TEX30: variants seen among roughly 807,000 people sequenced by gnomAD.
TEX30 encodes the protein testis expressed 30, also known as testis-expressed protein 30.
TEX30 carries 14 observed loss-of-function variants against 23.8 expected under a neutral mutation model. The observed-to-expected ratio is 0.59, with a 90% CI of 0.39 to 0.92. The LOEUF (loss-of-function observed/expected upper bound fraction) is 0.92, where lower values mean the gene tolerates loss of function less well. Ranked by LOEUF, TEX30 falls within the 40% of genes least tolerant of loss-of-function variation. The pLI is 0.00. For missense variants in TEX30, 246 were observed against 270.6 expected, an observed-to-expected ratio of 0.91 and a Z score of 0.64; for synonymous variants, 78 against 90.2, an observed-to-expected ratio of 0.87 and a Z score of 0.76.
chr13:102,772,254 C>T (rs893100923), intron 1 of TEX30, among the ~76,000 whole-genome samples: 1 of 152,020 alleles, frequency 6.6e-6, no homozygotes, highest in Non-Finnish European at 1.5e-5. Context: ...GCGATCCTCT[C>T]GCCTCAGCCT....
At position 102,769,467 on chromosome 13, in the gene TEX30, A is replaced by G. The variant is rs748723262; in HGVS notation, c.90T>C (p.Tyr30=). ...VCLVPNKSLT[Y]GIILTHGASG... ...ATGCTCCATGTGTAAGAATTATTCC[A>G]TATGTTAAGCTCTTGTTAGGTACCA... Residue 30 remains tyrosine, a synonymous_variant, in exon 3 of 6, where the codon TAT becomes TAC. Coordinates refer to ENST00000376032, the MANE Select transcript of TEX30 (RefSeq NM_138779.5). 12 of 1,612,330 alleles carry G rather than the reference A, an allele frequency of 7.4e-6. No homozygotes were observed. In the South Asian group the frequency reaches 1.0e-4, roughly 13 times the overall value.
At chr13:102,771,219 A>AT (rs1261596775) in intron 1 of TEX30, among the ~76,000 whole-genome samples, 1 of 152,148 alleles carries the variant, frequency 6.6e-6, no homozygotes, top group Non-Finnish European at 1.5e-5. Flanking sequence ...TTTGTTCATA[A>AT]TTTTTTACAG....
intron 5 of TEX30, 135 bp downstream of exon 5, chr13:102,767,138 A>G: frequency 3.6e-6 from 3 of 838,640 alleles, no homozygotes; most frequent in Non-Finnish European, 5.4e-6. Context: ...AAAGCAACAG[A>G]GTAACCAGGA....
intron 1 of TEX30, among the ~76,000 whole-genome samples, chr13:102,772,143 A>ATTT (rs112612448): frequency 7.0e-6 from 1 of 142,982 alleles, no homozygotes; most frequent in Non-Finnish European, 1.5e-5. Context: ...ATGCTTCCCT[A>ATTT]TTTTTTTTTT....
Position 102,773,718 on chromosome 13 carries a change from C to G in TEX30, c.-97G>C, listed in dbSNP as rs1017873734. 3.9e-5 allele frequency: 6 copies of G among 152,142 alleles called. No individual in the cohort carries two copies. The highest frequency in any genetic ancestry group is 1.4e-4 in the African/African-American group (6 of 41,446). The allele number at this position is 152,142 out of a possible 1,614,324, so 9.4% of individuals were successfully genotyped here. A position where few individuals can be genotyped will look rare whatever the true frequency, so the allele number is the denominator to read the frequency against. On this transcript the variant is annotated 5_prime_UTR_variant, in exon 1 of 6. Transcript: ENST00000376032. ...AAAGTGGCCGCGGGCACCCAACCGCCGTCACTCCCTTCAGGGAGCTGACTA... is the reference window on the plus strand; with the variant it reads ...AAAGTGGCCGCGGGCACCCAACCGCGGTCACTCCCTTCAGGGAGCTGACTA...
chr13:102,768,151 A>G, intron 4 of TEX30, 109 bp downstream of exon 4: 1 of 964,046 alleles, frequency 1.0e-6, no homozygotes, highest in East Asian at 2.6e-5. Context: ...CCAAAACAAC[A>G]AAAAAAATCC....
At chr13:102,768,872 C>G (rs985133586) in intron 3 of TEX30, among the ~76,000 whole-genome samples, 1 of 152,164 alleles carries the variant, frequency 6.6e-6, no homozygotes, top group Non-Finnish European at 1.5e-5. Context: ...CAAAGCTGTC[C>G]TGGGCCATAT....
At chr13:102,770,958 A>G (rs551782097) in intron 1 of TEX30, 2 of 152,312 alleles carry the variant, frequency 1.3e-5, no homozygotes, top group African/African-American at 4.8e-5. Context: ...CATTTTTCCC[A>G]TTAACATTTA....
chr13:102,772,598 CAG>C (rs1035879498), intron 1 of TEX30, among the ~76,000 whole-genome samples: 1 of 152,148 alleles, frequency 6.6e-6, no homozygotes, highest in African/African-American at 2.4e-5. Flanking sequence ...TTTTTTGAGA[CAG>C]AGTCTTGCTC....
intron 1 of TEX30, among the ~76,000 whole-genome samples, chr13:102,772,359 C>T (rs984082814): frequency 6.6e-6 from 1 of 152,136 alleles, no homozygotes; most frequent in African/African-American, 2.4e-5. Context: ...GTTTCGCAGG[C>T]TGGTCTTGAA....
At chr13:102,771,763 G>A (rs553663223) in intron 1 of TEX30, among the ~76,000 whole-genome samples, 1 of 152,282 alleles carries the variant, frequency 6.6e-6, no homozygotes, top group African/African-American at 2.4e-5. Flanking sequence ...TCTAACAAGG[G>A]GAAAGGCAGT....
Position 102,769,343 on chromosome 13 carries a change from C to T in TEX30, c.214G>A (p.Val72Ile), listed in dbSNP as rs1285944311. The T allele has an allele frequency of 3.2e-6, 5 of 1,568,590 alleles. No individual in the cohort carries two copies. Among genetic ancestry groups the T allele is most frequent in the Non-Finnish European group, 4.3e-6 (5 of 1,164,294 alleles). ...LRFTCKGLNI[V>I]HRIKAYKSVL... ...GATTTATACGCCTTAATTCTATGTA[C>T]AATATTAAGGCCTTTACAGGTAAAT... is the stretch of plus-strand genomic sequence containing the variant. Residue 72 changes from valine to isoleucine, a missense_variant, in exon 3 of 6, where the codon GTA (valine) becomes ATA (isoleucine). Transcript: ENST00000376032.
Position 102,771,318 on chromosome 13 carries a change from A to C in TEX30, c.-60-1232T>G, listed in dbSNP as rs79050216. On this transcript the variant is annotated intron_variant, in intron 1 of 5. Coordinates refer to ENST00000376032, the MANE Select transcript of TEX30 (RefSeq NM_138779.5). ...CGGTACATTAAAAAAATGTAAACAG[A>C]AGTCAAAGTATTTGTTCATAATTTA... Among the ~76,000 whole-genome samples the C allele has an allele frequency of 3.1e-3, 466 of 152,336 alleles. 2 individuals are homozygous for C. Among genetic ancestry groups the C allele is most frequent in the African/African-American group, 0.011 (449 of 41,580 alleles).
chr13:102,769,389 A>T lies in TEX30; in HGVS notation c.168T>A (p.Ser56=). 6.2e-7 allele frequency: 1 copy of T among 1,608,066 alleles called. No homozygotes were observed. The highest frequency in any genetic ancestry group is 1.7e-4 in the Middle Eastern group (1 of 6,046). Residue 56 remains serine, a synonymous_variant, in exon 3 of 6, where the codon TCT becomes TCA. Coordinates refer to ENST00000376032, the MANE Select transcript of TEX30 (RefSeq NM_138779.5). ...TAAATCTCAGGCAGAAAAACCCATG[A>T]GATGCAAGATGGGATGCCAGTGACA... The part of the protein sequence containing the change: ...HLMSLASHLA[S]HGFFCLRFTC...
intron 3 of TEX30, 68 bp from the exon 4 acceptor site, chr13:102,768,379 GTTTCTCATCATTACTGAAATGTA>G: frequency 9.0e-7 from 1 of 1,115,970 alleles, no homozygotes; most frequent in Non-Finnish European, 1.3e-6. Flanking sequence ...AAGATATATT[GTTTCTCATCATTACTGAAATGTA>G]TGAAAATCTA....
At position 102,767,322 on chromosome 13, in the gene TEX30, T is replaced by C; in HGVS notation, c.455A>G (p.Lys152Arg). ...KLRDEDLFRLKEPVLFVSGSA... is the reference protein window; with the variant it reads ...KLRDEDLFRLREPVLFVSGSA... ...GCCTGACACAAACAGTACAGGCTCT[T>C]TTAAACGAAAGAGGTCTTCATCTCT... Residue 152 changes from lysine (K) to arginine (R), a missense_variant, in exon 5 of 6, where the codon AAA (lysine) becomes AGA (arginine). Physicochemically the swap from Lys to Arg is conservative, Grantham distance 26. Transcript: ENST00000376032. 1 of 1,614,116 alleles carries C rather than the reference T, an allele frequency of 6.2e-7. No individual in the cohort carries two copies. The highest frequency in any genetic ancestry group is 8.5e-7 in the Non-Finnish European group (1 of 1,180,030).
chr13:102,769,557 A>C lies in TEX30; in HGVS notation c.16-16T>G, dbSNP rs1877167137. The C allele has an allele frequency of 6.7e-7, 1 of 1,495,172 alleles. No homozygotes were observed. Among genetic ancestry groups the C allele is most frequent in the Non-Finnish European group, 9.1e-7 (1 of 1,094,962 alleles). 92.6% of individuals were successfully genotyped at this position (1,495,172 alleles called of 1,614,324 possible). On this transcript the variant is annotated splice_polypyrimidine_tract_variant and intron_variant, in intron 2 of 5. Coordinates refer to ENST00000376032, the MANE Select transcript of TEX30 (RefSeq NM_138779.5). Reference sequence around the variant, plus strand: ...TTAATTTAACCTGGAATTCAAGAGAATAAAGGGATCAAAAATTACTTTCTT... The same window carrying C: ...TTAATTTAACCTGGAATTCAAGAGACTAAAGGGATCAAAAATTACTTTCTT...
intron 5 of TEX30, 108 bp downstream of exon 5, chr13:102,767,165 G>A (rs1002323712): frequency 3.5e-6 from 4 of 1,156,186 alleles, no homozygotes; most frequent in Non-Finnish European, 4.9e-6. Context: ...ACTAGCATTA[G>A]TCAAATTAGC....
At chr13:102,767,190 ACT>A (rs1876948481) in intron 5 of TEX30, 81 bp downstream of exon 5, 1 of 1,404,274 alleles carries the variant, frequency 7.1e-7, no homozygotes, top group East Asian at 2.3e-5. Flanking sequence ...TTTAAAAGAC[ACT>A]GTTGCCAGAA....
Sources: allele counts gnomAD v4.1 joint callset (sites outside exome capture counted in the v4.1 genomes callset), GRCh38; gene constraint gnomAD v4.1.1; transcripts MANE v1.5; gene names NCBI Gene and HGNC (gene_info 2026-07-23, HGNC 2026-07-21).